The following CSMD3 variants were observed in gnomAD, a reference collection of about 807,000 sequenced individuals.
CSMD3 encodes the protein CUB and sushi domain-containing protein 3.
Under a neutral mutation model 435.2 loss-of-function variants are expected in CSMD3, and 177 were observed. The ratio of observed to expected loss-of-function variants is 0.41; its 90% confidence interval spans 0.36 to 0.46. CSMD3 has a LOEUF of 0.46. Among genes scored for constraint, CSMD3 ranks in the 20% least tolerant of loss-of-function variants. The pLI, the probability that CSMD3 is intolerant of heterozygous loss-of-function variation, is 0.34. For missense variants in CSMD3, 4,265 were observed against 4,504.6 expected (o/e 0.95, Z 1.52); for synonymous variants, 1,656 against 1,520.5 (o/e 1.09, Z -2.07).
At chr8:112,522,112 G>C (rs1824351788) in intron 27 of CSMD3, among the ~76,000 whole-genome samples, 1 of 151,572 alleles carries the variant, frequency 6.6e-6, no homozygotes, top group Non-Finnish European at 1.5e-5. Flanking sequence ...TAATAAATTA[G>C]AAATACATTT....
At chr8:112,817,491 T>C (rs976000454) in intron 12 of CSMD3, among the ~76,000 whole-genome samples, 1 of 152,104 alleles carries the variant, frequency 6.6e-6, no homozygotes, top group East Asian at 1.9e-4. Flanking sequence ...TAAAATATTA[T>C]TGTTCAAATC....
At chr8:112,530,070 G>A (rs1479386600) in intron 27 of CSMD3, among the ~76,000 whole-genome samples, 1 of 151,632 alleles carries the variant, frequency 6.6e-6, no homozygotes, top group Non-Finnish European at 1.5e-5. Context: ...CTAATAAAAG[G>A]ACCAGCAACT....
intron 10 of CSMD3, among the ~76,000 whole-genome samples, chr8:112,870,576 C>T (rs922104186): frequency 5.9e-5 from 9 of 151,900 alleles, no homozygotes; most frequent in African/African-American, 2.2e-4. Context: ...GCGCCCGGCC[C>T]AGAATGGCTA....
chr8:113,392,282 A>C (rs1478071120), intron 1 of CSMD3, among the ~76,000 whole-genome samples: 1 of 152,062 alleles, frequency 6.6e-6, no homozygotes, highest in East Asian at 1.9e-4. Flanking sequence ...AAGTGTGCTG[A>C]TGCATTTCCC....
At position 113,182,384 on chromosome 8, in the gene CSMD3, A is replaced by G. The variant is rs557905639; in HGVS notation, c.515-8468T>C. 1.0e-3 allele frequency among the ~76,000 whole-genome samples: 152 copies of G among 152,120 alleles called. 1 individual carries two copies. Among genetic ancestry groups the G allele is most frequent in the Non-Finnish European group, 1.8e-3 (119 of 67,954 alleles). On this transcript the variant is annotated intron_variant, in intron 3 of 70. Transcript: ENST00000297405. Reference sequence around the variant, plus strand: ...GTATATGCAGAATAAGTTGCTTTTAATACGTTGGTCTGAATAGGTTGATAC... The same window carrying G: ...GTATATGCAGAATAAGTTGCTTTTAGTACGTTGGTCTGAATAGGTTGATAC...
At chr8:113,302,158 C>A (rs1430625431) in intron 2 of CSMD3, among the ~76,000 whole-genome samples, 1 of 148,112 alleles carries the variant, frequency 6.8e-6, no homozygotes, top group Non-Finnish European at 1.5e-5. Context: ...CTCTTGAAAT[C>A]CTGTTTTTGA....
intron 10 of CSMD3, among the ~76,000 whole-genome samples, chr8:112,865,692 A>T (rs895229086): frequency 3.6e-5 from 4 of 110,630 alleles, no homozygotes; most frequent in Admixed American, 1.8e-4. Flanking sequence ...TACCCCACAC[A>T]CACACACACA....
At chr8:112,408,474 A>G in intron 33 of CSMD3, 61 bp from the exon 34 acceptor site, 1 of 994,100 alleles carries the variant, frequency 1.0e-6, no homozygotes, top group Non-Finnish European at 1.6e-6. Context: ...AACCTAACAA[A>G]TTATATTATA....
At chr8:113,308,057 G>A (rs2093835631) in intron 2 of CSMD3, among the ~76,000 whole-genome samples, 1 of 151,792 alleles carries the variant, frequency 6.6e-6, no homozygotes, top group African/African-American at 2.4e-5. Context: ...ATGTGTTTTT[G>A]CAATAGACTG....
At chr8:112,728,447 C>CA (rs2077010398) in intron 13 of CSMD3, among the ~76,000 whole-genome samples, 1 of 151,690 alleles carries the variant, frequency 6.6e-6, no homozygotes, top group Non-Finnish European at 1.5e-5. Context: ...TATACAAAAC[C>CA]AAAACTTCCT....
intron 9 of CSMD3, among the ~76,000 whole-genome samples, chr8:112,923,443 C>A (rs2082809247): frequency 6.6e-6 from 1 of 152,040 alleles, no homozygotes; most frequent in Non-Finnish European, 1.5e-5. Flanking sequence ...TATCGACTTC[C>A]TTGCTCTGGC....
intron 2 of CSMD3, among the ~76,000 whole-genome samples, chr8:113,301,898 C>T (rs1464127135): frequency 1.3e-5 from 2 of 151,782 alleles, no homozygotes; most frequent in East Asian, 1.9e-4. Flanking sequence ...GAAAATAGGT[C>T]ATATACATGA....
At chr8:112,302,236 C>A (rs558114702) in intron 52 of CSMD3, among the ~76,000 whole-genome samples, 1 of 101,182 alleles carries the variant, frequency 9.9e-6, no homozygotes, top group African/African-American at 3.4e-5. Flanking sequence ...TTGCATTTTT[C>A]GCTTAGTCAA....
rs557070348 is a variant in CSMD3 at position 113,008,843 on chromosome 8, T to G, written c.1030+10224A>C. Among the ~76,000 whole-genome samples the G allele has an allele frequency of 8.6e-5, 13 of 151,486 alleles. No individual in the cohort carries two copies. In the East Asian group the frequency reaches 2.5e-3, roughly 29 times the overall value. ...AATTGCTAACAACCTATTTATTATA[T>G]TAATTATAAGTTTTCTTCTAGTCTA... On this transcript the variant is annotated intron_variant, in intron 6 of 70. Coordinates refer to ENST00000297405, the MANE Select transcript of CSMD3 (RefSeq NM_198123.2).
chr8:112,813,105 G>A (rs368712915), intron 12 of CSMD3, among the ~76,000 whole-genome samples: 3 of 152,134 alleles, frequency 2.0e-5, no homozygotes, highest in African/African-American at 4.8e-5. Flanking sequence ...GCCTAGCCAC[G>A]CCAAAGAATT....
At chr8:112,589,093 A>G (rs1830964470) in intron 22 of CSMD3, among the ~76,000 whole-genome samples, 1 of 152,192 alleles carries the variant, frequency 6.6e-6, no homozygotes, top group African/African-American at 2.4e-5. Context: ...TCTTCTCTGT[A>G]ATAAACTGAC....
At chr8:113,411,482 T>C (rs937714863) in intron 1 of CSMD3, among the ~76,000 whole-genome samples, 1 of 152,144 alleles carries the variant, frequency 6.6e-6, no homozygotes, top group African/African-American at 2.4e-5. Context: ...ACTCAGTAAA[T>C]AAAAATACAT....
chr8:113,236,689 A>T (rs897986090), intron 3 of CSMD3, among the ~76,000 whole-genome samples: 14 of 151,946 alleles, frequency 9.2e-5, no homozygotes, highest in African/African-American at 3.4e-4. Flanking sequence ...TGGTTCTGAG[A>T]CTTTTATACT....
At chr8:113,355,950 G>A (rs1032960842) in intron 1 of CSMD3, among the ~76,000 whole-genome samples, 1 of 150,644 alleles carries the variant, frequency 6.6e-6, no homozygotes, top group Admixed American at 6.6e-5. Context: ...ACTTAAAAAT[G>A]TATGAGTAAA....
Sources: allele counts gnomAD v4.1 joint callset (sites outside exome capture counted in the v4.1 genomes callset), GRCh38; gene constraint gnomAD v4.1.1; transcripts MANE v1.5; gene names NCBI Gene and HGNC (gene_info 2026-07-23, HGNC 2026-07-21).